The following NLK variants were observed in gnomAD, a reference collection of about 807,000 sequenced individuals.
NLK encodes the protein serine/threonine-protein kinase NLK.
A neutral mutation model predicts 59.0 loss-of-function variants in NLK; 11 were observed. The ratio of observed to expected loss-of-function variants is 0.19; its 90% CI spans 0.12 to 0.31. NLK has a LOEUF of 0.31. Ranked by LOEUF, NLK falls within the 10% of genes least tolerant of loss-of-function variation. The pLI, the probability that NLK is intolerant of heterozygous loss-of-function variation, is 1.00. For missense variants in NLK, 410 were observed against 661.1 expected, an observed-to-expected ratio of 0.62 and a Z score of 4.16; for synonymous variants, 235 against 235.9, an observed-to-expected ratio of 1.00 and a Z score of 0.03.
intron 5 of NLK, 61 bp from the exon 6 acceptor site, chr17:28,168,387 T>G: frequency 7.8e-7 from 1 of 1,287,970 alleles, no homozygotes; most frequent in Non-Finnish European, 1.1e-6. Flanking sequence ...AATTTTGATG[T>G]TTTGTTTTAC....
At chr17:28,092,801 TA>T (rs1904550704) in intron 1 of NLK, among the ~76,000 whole-genome samples, 1 of 139,776 alleles carries the variant, frequency 7.2e-6, no homozygotes, top group Non-Finnish European at 1.5e-5. Context: ...TATTTTATTT[TA>T]TTTTATTTAT....
At chr17:28,200,639 A>G (rs1457890623), downstream of NLK, among the ~76,000 whole-genome samples, 4 of 152,098 alleles carry the variant, frequency 2.6e-5, no homozygotes, top group African/African-American at 9.7e-5. Flanking sequence ...GTGTGCCACC[A>G]TGCCTGGATA....
At chr17:28,198,855 A>G (rs1323634663), downstream of NLK, among the ~76,000 whole-genome samples, 3 of 152,244 alleles carry the variant, frequency 2.0e-5, no homozygotes, top group African/African-American at 7.2e-5. Flanking sequence ...CAGGTAATCC[A>G]TCAATCCTGA....
chr17:28,151,780 ATTATAATAGATAATAGAAGG>A (rs1907490998), intron 3 of NLK, among the ~76,000 whole-genome samples: 1 of 152,206 alleles, frequency 6.6e-6, no homozygotes, highest in South Asian at 2.1e-4. Flanking sequence ...TTTCTTAAAC[ATTATAATAGATAATAGAAGG>A]TTGAATGAAA....
At chr17:28,180,750 C>A (rs73989107) in intron 7 of NLK, among the ~76,000 whole-genome samples, 1 of 152,114 alleles carries the variant, frequency 6.6e-6, no homozygotes, top group Non-Finnish European at 1.5e-5. Flanking sequence ...CCAACCTGCA[C>A]AGGCTAGTAA....
chr17:28,193,485 C>G (rs1909381730), intron 10 of NLK, among the ~76,000 whole-genome samples: 2 of 152,214 alleles, frequency 1.3e-5, no homozygotes, highest in African/African-American at 4.8e-5. Flanking sequence ...AGACTGCTTC[C>G]TGATGCTACA....
chr17:28,094,281 G>A (rs916036220), intron 1 of NLK, among the ~76,000 whole-genome samples: 3 of 152,194 alleles, frequency 2.0e-5, no homozygotes, highest in South Asian at 4.1e-4. Flanking sequence ...AATTACCCAC[G>A]TAGTTTGAGA....
the NLK span, among the ~76,000 whole-genome samples, chr17:28,203,136 T>G: frequency 6.8e-6 from 1 of 148,092 alleles, no homozygotes; most frequent in Non-Finnish European, 1.5e-5. Context: ...CAAACACGTA[T>G]GTGTGTGTAT....
intron 6 of NLK, 70 bp downstream of exon 6, chr17:28,168,727 G>A (rs903617217): frequency 5.7e-6 from 7 of 1,223,372 alleles, no homozygotes; most frequent in Non-Finnish European, 7.2e-6. Flanking sequence ...TCTTGCACAT[G>A]TGTCTTGGGC....
At chr17:28,153,081 C>T (rs185319868) in intron 3 of NLK, among the ~76,000 whole-genome samples, 3 of 152,042 alleles carry the variant, frequency 2.0e-5, no homozygotes, top group African/African-American at 7.2e-5. Flanking sequence ...CAATACCAGC[C>T]TGACCAACAT....
intron 1 of NLK, among the ~76,000 whole-genome samples, chr17:28,045,714 C>T (rs1408326193): frequency 6.6e-6 from 1 of 152,070 alleles, no homozygotes; most frequent in South Asian, 2.1e-4. Flanking sequence ...GTTGTATGAC[C>T]TAAGTAAGAC....
At chr17:28,187,836 A>C (rs1909173374) in intron 8 of NLK, among the ~76,000 whole-genome samples, 1 of 152,182 alleles carries the variant, frequency 6.6e-6, no homozygotes, top group Admixed American at 6.5e-5. Context: ...CTAAGGAGAA[A>C]GATTTATCTG....
At chr17:28,074,885 A>G (rs1323852664) in intron 1 of NLK, among the ~76,000 whole-genome samples, 3 of 152,216 alleles carry the variant, frequency 2.0e-5, no homozygotes, top group Non-Finnish European at 4.4e-5. Flanking sequence ...GGAGGTGCCA[A>G]CACCCGAGGT....
intron 7 of NLK, among the ~76,000 whole-genome samples, chr17:28,181,387 A>G (rs2142065563): frequency 6.6e-6 from 1 of 152,076 alleles, no homozygotes; most frequent in African/African-American, 2.4e-5. Context: ...TGGGAGACAG[A>G]GCAAGACTTT....
rs886490938 is a variant in NLK, at chr17:28,196,078, T to G, written c.*1442T>G. ...TTTGAAGACTATTAATAAGTTATGTTTGGAAGTTTTAACTTCAATGAAGTA... is the reference window on the plus strand; with the variant it reads ...TTTGAAGACTATTAATAAGTTATGTGTGGAAGTTTTAACTTCAATGAAGTA... On this transcript the variant is annotated 3_prime_UTR_variant, in exon 11 of 11. Coordinates refer to ENST00000407008, the MANE Select transcript of NLK (RefSeq NM_016231.5). The G allele has an allele frequency of 1.3e-5, 2 of 152,654 alleles. No individual in the cohort carries two copies. The highest frequency in any genetic ancestry group is 2.9e-5 in the Non-Finnish European group (2 of 68,036). 9.5% of individuals were successfully genotyped at this position (152,654 alleles called of 1,614,324 possible). A position where few individuals can be genotyped will look rare whatever the true frequency, so the allele number is the denominator to read the frequency against.
intron 3 of NLK, among the ~76,000 whole-genome samples, chr17:28,152,303 T>G (rs1451662832): frequency 6.6e-6 from 1 of 152,236 alleles, no homozygotes; most frequent in Non-Finnish European, 1.5e-5. Context: ...TTACTCTGTT[T>G]TTGGCTTTTG....
chr17:28,101,726 C>CA (rs1334951615), intron 1 of NLK, among the ~76,000 whole-genome samples: 2 of 152,160 alleles, frequency 1.3e-5, no homozygotes, highest in Non-Finnish European at 2.9e-5. Flanking sequence ...TATCATCTGT[C>CA]AGTCAGGACG....
At chr17:28,057,300 G>T (rs1240626512) in intron 1 of NLK, among the ~76,000 whole-genome samples, 3 of 152,080 alleles carry the variant, frequency 2.0e-5, no homozygotes, top group Non-Finnish European at 4.4e-5. Context: ...GCGGAGGTTG[G>T]GTTATGATTA....
intron 1 of NLK, among the ~76,000 whole-genome samples, chr17:28,109,202 A>G (rs1041405200): frequency 2.0e-5 from 3 of 152,048 alleles, no homozygotes; most frequent in African/African-American, 7.2e-5. Flanking sequence ...GATTTTTAAG[A>G]TTTCCAGGTG....
Sources: allele counts gnomAD v4.1 joint callset (sites outside exome capture counted in the v4.1 genomes callset), GRCh38; gene constraint gnomAD v4.1.1; transcripts MANE v1.5; gene names NCBI Gene and HGNC (gene_info 2026-07-23, HGNC 2026-07-21).